Variants in EML4 observed in about 807,000 individuals in gnomAD.
EML4 encodes the protein echinoderm microtubule-associated protein-like 4.
EML4 carries 72 observed loss-of-function variants against 129.0 expected under a neutral mutation model. The ratio of observed to expected loss-of-function variants is 0.56; its 90% CI spans 0.46 to 0.68. EML4 has a LOEUF of 0.68. EML4 is among the 30% of genes least tolerant of loss of function. The pLI is 0.00. For synonymous variants in EML4, 532 were observed against 405.0 expected, an observed-to-expected ratio of 1.31 and a Z score of -3.77; for missense variants, 1,363 against 1,190.6, an observed-to-expected ratio of 1.14 and a Z score of -2.13.
At chr2:42,244,330 CT>C (rs1290825536) in intron 1 of EML4, among the ~76,000 whole-genome samples, 1 of 152,090 alleles carries the variant, frequency 6.6e-6, no homozygotes, top group Non-Finnish European at 1.5e-5. Context: ...ATCTCCTGAC[CT>C]CATGATCTGC....
At chr2:42,275,656 T>C (rs1229139905) in intron 6 of EML4, among the ~76,000 whole-genome samples, 2 of 152,210 alleles carry the variant, frequency 1.3e-5, no homozygotes, top group Non-Finnish European at 2.9e-5. Flanking sequence ...TGTTTGAACA[T>C]AAGTTAGTAA....
At chr2:42,227,700 C>A (rs1241928242) in intron 1 of EML4, among the ~76,000 whole-genome samples, 3 of 152,174 alleles carry the variant, frequency 2.0e-5, no homozygotes, top group Non-Finnish European at 2.9e-5. Context: ...CCCCTTCCTC[C>A]TCCTCTGCCT....
chr2:42,227,095 A>G (rs1368489967), intron 1 of EML4, among the ~76,000 whole-genome samples: 1 of 152,062 alleles, frequency 6.6e-6, no homozygotes, highest in Non-Finnish European at 1.5e-5. Flanking sequence ...TGCATGTGAA[A>G]TGATGTTCAT....
chr2:42,283,658 CTAT>C (rs1433900487), intron 8 of EML4, among the ~76,000 whole-genome samples: 1 of 152,036 alleles, frequency 6.6e-6, no homozygotes, highest in Non-Finnish European at 1.5e-5. Flanking sequence ...TAATAGATGA[CTAT>C]TATAATATTA....
chr2:42,227,708 C>T (rs749749504), intron 1 of EML4, among the ~76,000 whole-genome samples: 33 of 152,288 alleles, frequency 2.2e-4, no homozygotes, highest in Admixed American at 9.8e-4. Flanking sequence ...TCCTCCTCTG[C>T]CTATGCAGCA....
intron 1 of EML4, among the ~76,000 whole-genome samples, chr2:42,182,851 G>C (rs1026691670): frequency 1.3e-5 from 2 of 152,138 alleles, no homozygotes; most frequent in Non-Finnish European, 2.9e-5. Context: ...CTAGCTTGTA[G>C]GTTGCCATCT....
chr2:42,178,188 A>G (rs1670718933), intron 1 of EML4, among the ~76,000 whole-genome samples: 1 of 152,200 alleles, frequency 6.6e-6, no homozygotes, highest in Non-Finnish European at 1.5e-5. Context: ...TAAAGAAGTG[A>G]TTTTATAAAA....
chr2:42,206,308 G>T (rs1672534962), intron 1 of EML4, among the ~76,000 whole-genome samples: 1 of 152,050 alleles, frequency 6.6e-6, no homozygotes, highest in Non-Finnish European at 1.5e-5. Flanking sequence ...CACATTCCTG[G>T]GCTCAAGTGA....
At chr2:42,328,865 C>A (rs761353266) in intron 21 of EML4, 21 bp from the exon 22 acceptor site, 2 of 1,568,604 alleles carry the variant, frequency 1.3e-6, no homozygotes, top group Non-Finnish European at 1.7e-6. Flanking sequence ...TTTTCTGCAT[C>A]CCTGTGTTTC....
At chr2:42,226,592 G>T (rs1055850545) in intron 1 of EML4, among the ~76,000 whole-genome samples, 1 of 152,072 alleles carries the variant, frequency 6.6e-6, no homozygotes, top group Non-Finnish European at 1.5e-5. Context: ...GGGAGGCGCA[G>T]GTTGCTGTGA....
chr2:42,186,506 A>G (rs189399657), intron 1 of EML4, among the ~76,000 whole-genome samples: 1 of 152,174 alleles, frequency 6.6e-6, no homozygotes, highest in Non-Finnish European at 1.5e-5. Context: ...AGCTTTTGAG[A>G]ATCATTTTCT....
At chr2:42,209,990 T>A (rs1187389363) in intron 1 of EML4, among the ~76,000 whole-genome samples, 1 of 151,920 alleles carries the variant, frequency 6.6e-6, no homozygotes, top group Non-Finnish European at 1.5e-5. Flanking sequence ...TTTAGAACAG[T>A]TTTACATTTG....
chr2:42,206,123 G>C (rs991022624), intron 1 of EML4, among the ~76,000 whole-genome samples: 6 of 152,130 alleles, frequency 3.9e-5, no homozygotes, highest in Non-Finnish European at 8.8e-5. Flanking sequence ...TAAATCTGTA[G>C]ACCTTATTCA....
chr2:42,217,844 A>G (rs139366679), intron 1 of EML4, among the ~76,000 whole-genome samples: 1 of 152,150 alleles, frequency 6.6e-6, no homozygotes, highest in African/African-American at 2.4e-5. Flanking sequence ...TTAAATATGT[A>G]GATTTACTTC....
At chr2:42,189,849 T>A (rs1406322521) in intron 1 of EML4, among the ~76,000 whole-genome samples, 1 of 152,154 alleles carries the variant, frequency 6.6e-6, no homozygotes, top group Non-Finnish European at 1.5e-5. Flanking sequence ...GTTTTATGAA[T>A]AATTCAATCA....
chr2:42,233,366 C>T (rs1010090279), intron 1 of EML4, among the ~76,000 whole-genome samples: 6 of 150,428 alleles, frequency 4.0e-5, no homozygotes, highest in African/African-American at 9.8e-5. Context: ...AGTGCAGTGG[C>T]GCGATCTCAG....
intron 17 of EML4, among the ~76,000 whole-genome samples, chr2:42,309,736 T>C (rs1377288647): frequency 6.6e-6 from 1 of 151,278 alleles, no homozygotes; most frequent in Admixed American, 6.6e-5. Context: ...CATCTTTGAA[T>C]TGGGTTGTCT....
rs574331203 is a variant in EML4, at chr2:42,314,616, C to A, written c.1968-1346C>A. On this transcript the variant is annotated intron_variant, in intron 17 of 22. Coordinates refer to ENST00000318522, the MANE Select transcript of EML4 (RefSeq NM_019063.5). ...TGCACTACTATTAAATACCTCTTGCCAAAATTTGGTTTTTGTCATGTTCAA... is the reference window on the plus strand; with the variant it reads ...TGCACTACTATTAAATACCTCTTGCAAAAATTTGGTTTTTGTCATGTTCAA... Among the ~76,000 whole-genome samples, 5 of 152,296 alleles carry A rather than the reference C, an allele frequency of 3.3e-5. No individual in the cohort carries two copies. In the South Asian group the frequency reaches 1.0e-3, roughly 32 times the overall value.
chr2:42,213,637 T>A (rs953143655), intron 1 of EML4, among the ~76,000 whole-genome samples: 2 of 152,212 alleles, frequency 1.3e-5, no homozygotes, highest in African/African-American at 4.8e-5. Context: ...GTTGTCTCCC[T>A]TTTTCTTTTT....
Sources: gnomAD v4.1 joint callset for allele counts (sites outside exome capture counted in the v4.1 genomes callset) on GRCh38, gnomAD v4.1.1 for gene constraint, MANE v1.5 for transcripts, NCBI Gene and HGNC (gene_info 2026-07-23, HGNC 2026-07-21) for gene names.